Variants in SMYD3 observed in about 807,000 individuals in gnomAD.
SMYD3 encodes the protein SET and MYND domain containing 3.
In SMYD3, 36 loss-of-function variants were observed where a neutral mutation model predicts 57.7. That is an observed-to-expected ratio of 0.62 (90% CI 0.48 to 0.82). The LOEUF is 0.82. Among genes scored for constraint, SMYD3 ranks in the 40% least tolerant of loss-of-function variants. The pLI is 0.00. For synonymous variants in SMYD3, 211 were observed against 195.0 expected, an observed-to-expected ratio of 1.08 and a Z score of -0.68; for missense variants, 515 against 538.8, an observed-to-expected ratio of 0.96 and a Z score of 0.44.
chr1:246,379,791 G>T (rs1348867285), intron 1 of SMYD3, among the ~76,000 whole-genome samples: 1 of 152,198 alleles, frequency 6.6e-6, no homozygotes, highest in Non-Finnish European at 1.5e-5. Flanking sequence ...CTTAAGGCCA[G>T]GTGTTCAAGA....
intron 8 of SMYD3, among the ~76,000 whole-genome samples, chr1:245,914,729 G>T (rs769940988): frequency 2.6e-5 from 4 of 152,086 alleles, no homozygotes; most frequent in Non-Finnish European, 5.9e-5. Flanking sequence ...TTCTCAAAAC[G>T]CTAAAAGAGG....
intron 5 of SMYD3, among the ~76,000 whole-genome samples, chr1:246,096,884 G>A (rs1444233067): frequency 6.6e-6 from 1 of 152,136 alleles, no homozygotes; most frequent in East Asian, 1.9e-4. Context: ...TCTTACCAAA[G>A]ACAATGAAAT....
chr1:246,111,982 T>C (rs904349052), intron 5 of SMYD3, among the ~76,000 whole-genome samples: 1 of 152,196 alleles, frequency 6.6e-6, no homozygotes, highest in Non-Finnish European at 1.5e-5. Flanking sequence ...AGTTTTTCAA[T>C]GGGGGATGAT....
chr1:245,816,362 T>C (rs1045265372), intron 10 of SMYD3, among the ~76,000 whole-genome samples: 2 of 151,754 alleles, frequency 1.3e-5, no homozygotes, highest in Admixed American at 1.3e-4. Context: ...TGCACTACTG[T>C]TTGCTAGAAT....
intron 5 of SMYD3, among the ~76,000 whole-genome samples, chr1:246,036,810 C>T (rs1028110963): frequency 2.0e-5 from 3 of 151,160 alleles, no homozygotes; most frequent in African/African-American, 4.9e-5. Context: ...GTGATCCGCC[C>T]GCCTCGGCCT....
At chr1:246,205,828 CAAA>C (rs890595340) in intron 5 of SMYD3, among the ~76,000 whole-genome samples, 112 of 152,186 alleles carry the variant, frequency 7.4e-4, no homozygotes, top group African/African-American at 2.7e-3. Context: ...CAAAAAACAA[CAAA>C]GACAACAACA....
At chr1:246,374,831 G>A (rs1311222169) in intron 1 of SMYD3, among the ~76,000 whole-genome samples, 2 of 148,164 alleles carry the variant, frequency 1.3e-5, no homozygotes, top group Non-Finnish European at 1.5e-5. Flanking sequence ...CGTGGCTCAC[G>A]TCTGTTATCC....
chr1:246,094,265 T>C (rs181337105), intron 5 of SMYD3, among the ~76,000 whole-genome samples: 1 of 152,174 alleles, frequency 6.6e-6, no homozygotes, highest in Non-Finnish European at 1.5e-5. Flanking sequence ...AGGTACCTCA[T>C]GTGCCAGGTC....
intron 1 of SMYD3, among the ~76,000 whole-genome samples, chr1:246,363,484 GA>G (rs1210162744): frequency 6.6e-6 from 1 of 152,152 alleles, no homozygotes; most frequent in African/African-American, 2.4e-5. Flanking sequence ...AGAAAAGGGG[GA>G]AAGGTGGGGA....
chr1:246,406,752 C>T (rs548441585), intron 1 of SMYD3, among the ~76,000 whole-genome samples: 78 of 152,332 alleles, frequency 5.1e-4, no homozygotes, highest in Non-Finnish European at 9.0e-4. Flanking sequence ...TAGTAAGTGA[C>T]AGTGTCACTG....
chr1:246,449,053 C>T (rs1018466230), intron 1 of SMYD3, among the ~76,000 whole-genome samples: 2 of 152,028 alleles, frequency 1.3e-5, no homozygotes, highest in Admixed American at 1.3e-4. Flanking sequence ...CATAGTGAGA[C>T]CCAGTGTCTA....
At position 246,197,705 on chromosome 1, in the gene SMYD3, T is replaced by A. The variant is rs74421964; in HGVS notation, c.531+129496A>T. On this transcript the variant is annotated intron_variant, in intron 5 of 11. Transcript: ENST00000490107. ...TGGGTAAAATCCAAGGGAATCTGAATAAAGTATGGACTTTAGTTAGTACCA... is the reference window on the plus strand; with the variant it reads ...TGGGTAAAATCCAAGGGAATCTGAAAAAAGTATGGACTTTAGTTAGTACCA... 0.021 allele frequency among the ~76,000 whole-genome samples: 3,146 copies of A among 152,272 alleles called. 230 individuals are homozygous for A. In the East Asian group the frequency reaches 0.24, roughly 12 times the overall value.
chr1:246,065,084 T>C (rs1011921727), intron 5 of SMYD3, among the ~76,000 whole-genome samples: 1 of 152,234 alleles, frequency 6.6e-6, no homozygotes, highest in African/African-American at 2.4e-5. Context: ...ATGTATATAG[T>C]CCCAAAGAGA....
chr1:245,940,401 C>T (rs1370918572), intron 5 of SMYD3, among the ~76,000 whole-genome samples: 2 of 152,118 alleles, frequency 1.3e-5, no homozygotes, highest in African/African-American at 2.4e-5. Context: ...AGGTCAGTGC[C>T]TCTCTGGGAG....
At chr1:245,908,403 T>C (rs2054730366) in intron 8 of SMYD3, among the ~76,000 whole-genome samples, 3 of 152,170 alleles carry the variant, frequency 2.0e-5, no homozygotes, top group Admixed American at 2.0e-4. Flanking sequence ...ACACTAATAG[T>C]TGGGGACTTC....
intron 5 of SMYD3, among the ~76,000 whole-genome samples, chr1:246,249,094 G>A (rs1339879105): frequency 6.6e-6 from 1 of 151,640 alleles, no homozygotes; most frequent in Non-Finnish European, 1.5e-5. Flanking sequence ...TTTTTTTATA[G>A]TATGATCATT....
At chr1:246,128,544 A>T (rs1479025986) in intron 5 of SMYD3, among the ~76,000 whole-genome samples, 3 of 152,192 alleles carry the variant, frequency 2.0e-5, no homozygotes, top group African/African-American at 7.2e-5. Context: ...AAAGCCTGCA[A>T]GGTAAATATT....
At chr1:246,376,127 T>A (rs6686838) in intron 1 of SMYD3, among the ~76,000 whole-genome samples, 1 of 152,126 alleles carries the variant, frequency 6.6e-6, no homozygotes, top group Non-Finnish European at 1.5e-5. Flanking sequence ...TAAAGGAATG[T>A]CTGGAAAACA....
chr1:246,093,657 T>A (rs965374011), intron 5 of SMYD3, among the ~76,000 whole-genome samples: 2 of 152,042 alleles, frequency 1.3e-5, no homozygotes, highest in African/African-American at 4.8e-5. Flanking sequence ...AAAAATATAA[T>A]TATTACGTAC....
Sources: gnomAD v4.1 joint callset for allele counts (sites outside exome capture counted in the v4.1 genomes callset) on GRCh38, gnomAD v4.1.1 for gene constraint, MANE v1.5 for transcripts, NCBI Gene and HGNC (gene_info 2026-07-23, HGNC 2026-07-21) for gene names.